RPA3: variants seen among roughly 807,000 people sequenced by gnomAD.
The protein encoded by RPA3 is replication protein A3, also known as replication protein A 14 kDa subunit.
RPA3 carries 24 observed loss-of-function variants against 13.7 expected under a neutral mutation model. That is an observed-to-expected ratio of 1.75 (90% CI 1.27 to 2.46). RPA3 has a LOEUF of 2.46. Among genes scored for constraint, RPA3 ranks in the 30% most tolerant of loss-of-function variants. RPA3 has a pLI of 0.00. For synonymous variants in RPA3, 59 were observed against 51.2 expected, an observed-to-expected ratio of 1.15 and a Z score of -0.65; for missense variants, 183 against 151.0, an observed-to-expected ratio of 1.21 and a Z score of -1.11.
chr7:7,717,407 T>G (rs1780943377), intron 1 of RPA3, among the ~76,000 whole-genome samples: 1 of 152,212 alleles, frequency 6.6e-6, no homozygotes, highest in African/African-American at 2.4e-5. Context: ...ACTCCTTGTG[T>G]GTCCTCGTCC....
chr7:7,667,709 C>A (rs17546242), intron 4 of RPA3, among the ~76,000 whole-genome samples: 1 of 152,148 alleles, frequency 6.6e-6, no homozygotes, highest in Non-Finnish European at 1.5e-5. Flanking sequence ...CTGACAAAGA[C>A]AGAAATGGAA....
intron 7 of RPA3, 142 bp downstream of exon 7, chr7:7,637,722 T>C: frequency 2.1e-6 from 1 of 467,568 alleles, no homozygotes; most frequent in Non-Finnish European, 3.8e-6. Context: ...GTTATGTAAT[T>C]ACATACAGTT....
chr7:7,699,843 C>CT (rs1195642781), intron 2 of RPA3, among the ~76,000 whole-genome samples: 1 of 152,116 alleles, frequency 6.6e-6, no homozygotes, highest in Non-Finnish European at 1.5e-5. Context: ...GGTAAGAACT[C>CT]TAAACTGAGC....
intron 2 of RPA3, among the ~76,000 whole-genome samples, chr7:7,691,156 A>T (rs1356921150): frequency 6.6e-6 from 1 of 152,212 alleles, no homozygotes; most frequent in African/African-American, 2.4e-5. Flanking sequence ...AAAAAAGCTG[A>T]TGGAATTTTA....
At chr7:7,693,550 T>C (rs1003158032) in intron 2 of RPA3, among the ~76,000 whole-genome samples, 1 of 152,146 alleles carries the variant, frequency 6.6e-6, no homozygotes, top group African/African-American at 2.4e-5. Flanking sequence ...TTCATGAAAC[T>C]AGAACTTCCA....
chr7:7,638,154 T>G, intron 6 of RPA3, 182 bp from the exon 7 acceptor site: 1 of 440,950 alleles, frequency 2.3e-6, no homozygotes, highest in East Asian at 3.7e-5. Flanking sequence ...ACTGTCAGCA[T>G]GTTAAAATTC....
intron 4 of RPA3, among the ~76,000 whole-genome samples, chr7:7,661,809 C>T (rs1785481640): frequency 6.6e-6 from 1 of 152,170 alleles, no homozygotes; most frequent in South Asian, 2.1e-4. Flanking sequence ...AGGAGGCAGT[C>T]TGACCCTTAG....
chr7:7,694,016 G>T (rs1780244052), intron 2 of RPA3, among the ~76,000 whole-genome samples: 1 of 152,032 alleles, frequency 6.6e-6, no homozygotes, highest in Admixed American at 6.6e-5. Flanking sequence ...TTGATATAAG[G>T]CAACTGAGTT....
At position 7,636,802 on chromosome 7, in the gene RPA3, T is replaced by C. The variant is rs187331208; in HGVS notation, c.*198A>G. 6.2e-5 allele frequency: 33 copies of C among 532,754 alleles called. No individual in the cohort carries two copies. The East Asian group carries it at 8.2e-4, about 13-fold the overall frequency. 33.0% of individuals were successfully genotyped at this position (532,754 alleles called of 1,614,324 possible). On this transcript the variant is annotated 3_prime_UTR_variant, in exon 8 of 8. Coordinates refer to ENST00000223129, the MANE Select transcript of RPA3 (RefSeq NM_002947.5). The stretch of plus-strand genomic sequence containing the variant: ...TCTTGCATCTAATCTGACCATATAT[T>C]GGAGTAGCAATTCTTTATAAAAGGA...
At chr7:7,674,675 A>G (rs999843776) in intron 4 of RPA3, among the ~76,000 whole-genome samples, 1 of 152,158 alleles carries the variant, frequency 6.6e-6, no homozygotes, top group Non-Finnish European at 1.5e-5. Flanking sequence ...AATTGCTAAT[A>G]TGACCCTTCC....
chr7:7,706,818 C>T (rs981424969), intron 2 of RPA3, among the ~76,000 whole-genome samples: 1 of 152,098 alleles, frequency 6.6e-6, no homozygotes, highest in African/African-American at 2.4e-5. Context: ...TACATCCTAT[C>T]TGTTGGTTTT....
chr7:7,698,420 A>T (rs1393941545), intron 2 of RPA3, among the ~76,000 whole-genome samples: 1 of 152,234 alleles, frequency 6.6e-6, no homozygotes, highest in Non-Finnish European at 1.5e-5. Context: ...AGTAGCTGTA[A>T]GTTGACTTTC....
chr7:7,640,801 G>A lies in RPA3; in HGVS notation c.-383C>T, dbSNP rs1370570811. ...GAAGCTCCGGTGCTGGTGCGGCGGG[G>A]GACTGCGGGGCCAGCCTCAGGTACC... On this transcript the variant is annotated 5_prime_UTR_variant, in exon 5 of 8. Coordinates refer to ENST00000223129, the MANE Select transcript of RPA3 (RefSeq NM_002947.5). The A allele has an allele frequency of 4.8e-6, 1 of 206,656 alleles. No individual in the cohort carries two copies. Among genetic ancestry groups the A allele is most frequent in the East Asian group, 1.5e-4 (1 of 6,588 alleles). 12.8% of individuals were successfully genotyped at this position (206,656 alleles called of 1,614,324 possible). A position where few individuals can be genotyped will look rare whatever the true frequency, so the allele number is the denominator to read the frequency against.
chr7:7,709,309 A>G (rs1282781981), intron 2 of RPA3, among the ~76,000 whole-genome samples: 2 of 152,248 alleles, frequency 1.3e-5, no homozygotes, highest in African/African-American at 2.4e-5. Flanking sequence ...TATGAACATT[A>G]GAAACTTGTT....
At chr7:7,679,749 G>A (rs997828796) in intron 4 of RPA3, among the ~76,000 whole-genome samples, 1 of 145,310 alleles carries the variant, frequency 6.9e-6, no homozygotes, top group Non-Finnish European at 1.5e-5. Flanking sequence ...CACATATTAA[G>A]AGGCAATAAC....
intron 4 of RPA3, among the ~76,000 whole-genome samples, chr7:7,642,274 A>G (rs925194500): frequency 4.6e-5 from 7 of 151,816 alleles, no homozygotes; most frequent in African/African-American, 1.5e-4. Context: ...AGCTGGGACT[A>G]TAAGCACATA....
intron 4 of RPA3, among the ~76,000 whole-genome samples, chr7:7,666,255 G>A (rs1335403848): frequency 6.6e-6 from 1 of 152,118 alleles, no homozygotes; most frequent in African/African-American, 2.4e-5. Context: ...CCAGGCTGGA[G>A]TGCAGTGGCA....
At chr7:7,688,749 A>G (rs879587444) in intron 2 of RPA3, among the ~76,000 whole-genome samples, 5 of 152,170 alleles carry the variant, frequency 3.3e-5, no homozygotes, top group Non-Finnish European at 7.3e-5. Flanking sequence ...AACCTCCTAA[A>G]GGACATCTAA....
intron 4 of RPA3, among the ~76,000 whole-genome samples, chr7:7,668,084 T>C (rs11763161): frequency 0.015 from 2,203 of 147,710 alleles, 28 homozygotes; most frequent in Non-Finnish European, 0.022. Flanking sequence ...AGCTGGCTAA[T>C]TTTTTTTTTT....
Sources: allele counts gnomAD v4.1 joint callset (sites outside exome capture counted in the v4.1 genomes callset), GRCh38; gene constraint gnomAD v4.1.1; transcripts MANE v1.5; gene names NCBI Gene and HGNC (gene_info 2026-07-23, HGNC 2026-07-21).